Variants in ZFHX3 observed in about 807,000 individuals in gnomAD.
ZFHX3 encodes the protein zinc finger homeobox 3.
In ZFHX3, 42 loss-of-function variants were observed where a neutral mutation model predicts 279.1. That is an observed-to-expected ratio of 0.15 (90% CI 0.12 to 0.19). The LOEUF is 0.19. ZFHX3 is among the 10% of genes least tolerant of loss of function. The pLI, the probability that ZFHX3 is intolerant of heterozygous loss-of-function variation, is 1.00. For synonymous variants in ZFHX3, 2,293 were observed against 1,957.8 expected, an observed-to-expected ratio of 1.17 and a Z score of -4.52; for missense variants, 4,981 against 4,754.0, an observed-to-expected ratio of 1.05 and a Z score of -1.40.
chr16:73,694,866 A>C (rs1290768407), intron 1 of ZFHX3, among the ~76,000 whole-genome samples: 1 of 152,242 alleles, frequency 6.6e-6, no homozygotes, highest in Non-Finnish European at 1.5e-5. Context: ...GACAGTGACA[A>C]ATATGAAGCA....
At chr16:72,987,773 G>A (rs1313089323) in intron 1 of ZFHX3, among the ~76,000 whole-genome samples, 1 of 152,182 alleles carries the variant, frequency 6.6e-6, no homozygotes, top group Non-Finnish European at 1.5e-5. Context: ...CTGGCTACCT[G>A]CTCTTAGAGG....
At chr16:73,696,899 A>C (rs933545847) in intron 1 of ZFHX3, among the ~76,000 whole-genome samples, 1 of 152,176 alleles carries the variant, frequency 6.6e-6, no homozygotes, top group African/African-American at 2.4e-5. Flanking sequence ...TCCAAGCTTA[A>C]ATTATATAAC....
intron 1 of ZFHX3, among the ~76,000 whole-genome samples, chr16:73,766,995 G>A (rs529652473): frequency 7.3e-4 from 110 of 150,710 alleles, no homozygotes; most frequent in African/African-American, 2.5e-3. Context: ...GAGTGCACTG[G>A]CGCGATCTCA....
chr16:72,954,759 G>C (rs909517655), intron 2 of ZFHX3, among the ~76,000 whole-genome samples: 1 of 152,138 alleles, frequency 6.6e-6, no homozygotes, highest in African/African-American at 2.4e-5. Context: ...CAGCAGATCC[G>C]ACTGTACTAG....
At chr16:72,932,112 T>G (rs1959844852) in intron 3 of ZFHX3, among the ~76,000 whole-genome samples, 1 of 152,162 alleles carries the variant, frequency 6.6e-6, no homozygotes, top group African/African-American at 2.4e-5. Flanking sequence ...TTCCCCTGAG[T>G]GTCCTGTGTA....
At chr16:73,256,137 T>A (rs1184697649) in intron 5 of ZFHX3, among the ~76,000 whole-genome samples, 1 of 152,144 alleles carries the variant, frequency 6.6e-6, no homozygotes, top group African/African-American at 2.4e-5. Flanking sequence ...TAGGAGGAGA[T>A]GCCATTCTTC....
rs540287830 is a variant in ZFHX3 at position 73,278,025 on chromosome 16, C to T, written c.-1193-20889G>A. ...CATGATCCAGTCACCTCCCACCAGG[C>T]CCCACCTCCAACACTGGGGATTACA... is the stretch of plus-strand genomic sequence containing the variant. On this transcript the variant is annotated intron_variant, in intron 4 of 17. Transcript: ENST00000641206. Among the ~76,000 whole-genome samples the T allele has an allele frequency of 2.6e-5, 4 of 152,246 alleles. No individual in the cohort carries two copies. In the East Asian group the frequency reaches 7.7e-4, roughly 29 times the overall value.
chr16:73,570,602 T>A (rs1408215667), intron 2 of ZFHX3, among the ~76,000 whole-genome samples: 1 of 152,070 alleles, frequency 6.6e-6, no homozygotes, highest in African/African-American at 2.4e-5. Context: ...TTTAGTTGAG[T>A]TTTCTCTTTG....
intron 1 of ZFHX3, among the ~76,000 whole-genome samples, chr16:73,037,585 G>A (rs1964957815): frequency 6.6e-6 from 1 of 152,106 alleles, no homozygotes; most frequent in South Asian, 2.1e-4. Context: ...CTCCTCCCCG[G>A]CTCACAGCTC....
At chr16:73,328,718 A>G (rs1343057363) in intron 3 of ZFHX3, among the ~76,000 whole-genome samples, 3 of 152,244 alleles carry the variant, frequency 2.0e-5, no homozygotes, top group Non-Finnish European at 4.4e-5. Context: ...GACTTGTAAC[A>G]GAATTAAAGA....
Position 72,982,662 on chromosome 16 carries a change from A to C in ZFHX3, c.-49-22468T>G, listed in dbSNP as rs374464059. The stretch of plus-strand genomic sequence containing the variant: ...AGTGATGGCAAGACATTAAGTCGTA[A>C]ATTTTTACATAGGCCAGAATGGTGG... On this transcript the variant is annotated intron_variant, in intron 1 of 9. Transcript: ENST00000268489. Among the ~76,000 whole-genome samples the C allele has an allele frequency of 9.8e-5, 15 of 152,312 alleles. No homozygotes were observed. In the East Asian group the frequency reaches 1.4e-3, roughly 14 times the overall value.
intron 3 of ZFHX3, among the ~76,000 whole-genome samples, chr16:73,377,063 T>C (rs1359923582): frequency 6.8e-6 from 1 of 147,810 alleles, no homozygotes; most frequent in Non-Finnish European, 1.5e-5. Context: ...CCTCCACCCC[T>C]CATCTTCAAG....
chr16:73,736,022 A>C (rs1597088241), intron 1 of ZFHX3, among the ~76,000 whole-genome samples: 1 of 152,060 alleles, frequency 6.6e-6, no homozygotes, highest in East Asian at 1.9e-4. Context: ...CACTGGACTC[A>C]CAGCTCTTCC....
intron 3 of ZFHX3, among the ~76,000 whole-genome samples, chr16:72,935,871 C>T (rs1467687221): frequency 6.6e-6 from 1 of 152,000 alleles, no homozygotes; most frequent in Non-Finnish European, 1.5e-5. Context: ...AAGGATCTTA[C>T]AACTAAGCAG....
At chr16:72,990,693 A>G (rs114959748) in intron 1 of ZFHX3, among the ~76,000 whole-genome samples, 2,097 of 152,326 alleles carry the variant, frequency 0.014, 51 homozygotes, top group African/African-American at 0.048. Flanking sequence ...GAAATGGGTC[A>G]ATAATGGCTG....
At chr16:73,246,315 G>T (rs73601376) in intron 5 of ZFHX3, among the ~76,000 whole-genome samples, 1,801 of 152,214 alleles carry the variant, frequency 0.012, 31 homozygotes, top group African/African-American at 0.04. Flanking sequence ...CCAGGAGCTT[G>T]GGAGAATGAG....
chr16:72,965,905 A>G (rs1393383928), intron 1 of ZFHX3, among the ~76,000 whole-genome samples: 1 of 152,268 alleles, frequency 6.6e-6, no homozygotes, highest in East Asian at 1.9e-4. Flanking sequence ...CCCACATAAA[A>G]TAAACCGAAA....
At chr16:73,627,211 G>C (rs76726451) in intron 2 of ZFHX3, among the ~76,000 whole-genome samples, 9,221 of 152,266 alleles carry the variant, frequency 0.061, 432 homozygotes, top group Middle Eastern at 0.14. Flanking sequence ...ATAGCAAACT[G>C]ACTCCACGTG....
In ZFHX3 at chr16:73,822,414, T is replaced by C. The variant is rs28679583; in HGVS notation, c.-1608+69237A>G. ...CAAATTCACCATGGTCTGACTTTTG[T>C]AAAGGTCCTAAAATACAATTAGTTA... On this transcript the variant is annotated intron_variant, in intron 1 of 17. Transcript: ENST00000641206. 6.0e-3 allele frequency among the ~76,000 whole-genome samples: 918 copies of C among 152,324 alleles called. 12 individuals are homozygous for C. Among genetic ancestry groups the C allele is most frequent in the African/African-American group, 0.02 (848 of 41,572 alleles).
Sources: allele counts gnomAD v4.1 joint callset (sites outside exome capture counted in the v4.1 genomes callset), GRCh38; gene constraint gnomAD v4.1.1; transcripts MANE v1.5; gene names NCBI Gene and HGNC (gene_info 2026-07-23, HGNC 2026-07-21).